BPIFB1: variants seen among roughly 807,000 people sequenced by gnomAD.
BPIFB1 encodes the protein BPI fold-containing family B member 1.
BPIFB1 carries 34 observed loss-of-function variants against 55.1 expected under a neutral mutation model. That is an observed-to-expected ratio of 0.62 (90% CI 0.47 to 0.82). The LOEUF (loss-of-function observed/expected upper bound fraction) is 0.82. BPIFB1 is among the 40% of genes least tolerant of loss of function. BPIFB1 has a pLI of 0.00. For missense variants in BPIFB1, 532 were observed against 593.1 expected (o/e 0.90, Z 1.07); for synonymous variants, 236 against 245.3 (o/e 0.96, Z 0.35).
Position 33,289,953 on chromosome 20 carries a change from T to C in BPIFB1, c.326T>C (p.Leu109Pro). 6.2e-7 allele frequency: 1 copy of C among 1,614,168 alleles called. No individual in the cohort carries two copies. The highest frequency in any genetic ancestry group is 8.5e-7 in the Non-Finnish European group (1 of 1,180,026). ...VKPSANDQELLVKIPLDMVAG... is the reference protein window; with the variant it reads ...VKPSANDQELPVKIPLDMVAG... ...CCCTCGGCCAATGACCAGGAGCTGC[T>C]AGTCAAGATCCCCCTGGACATGGTG... Residue 109 changes from leucine to proline, a missense_variant, in exon 4 of 16, where the codon CTA becomes CCA. Leu to Pro is a moderately conservative substitution (Grantham distance 98, BLOSUM62 -3). Coordinates refer to ENST00000253354, the MANE Select transcript of BPIFB1 (RefSeq NM_033197.3).
chr20:33,292,084 T>C (rs1980491939), intron 6 of BPIFB1, 96 bp downstream of exon 6: 17 of 1,130,648 alleles, frequency 1.5e-5, no homozygotes, highest in Non-Finnish European at 2.3e-5. Context: ...TGGAGTCTCC[T>C]TGGGTGGGTT....
At chr20:33,303,858 C>A in intron 11 of BPIFB1, 100 bp from the exon 12 acceptor site, 1 of 1,213,806 alleles carries the variant, frequency 8.2e-7, no homozygotes, top group Non-Finnish European at 1.2e-6. Flanking sequence ...GTCCCAGAGC[C>A]AGGAACTGAG....
At chr20:33,292,286 T>G (rs1053027210) in intron 6 of BPIFB1, among the ~76,000 whole-genome samples, 2 of 152,152 alleles carry the variant, frequency 1.3e-5, no homozygotes, top group South Asian at 2.1e-4. Context: ...GATTTGTAGC[T>G]TTTGCGGATT....
In BPIFB1 at chr20:33,289,922, G is replaced by A; in HGVS notation, c.295G>A (p.Val99Met). 1 of 1,614,212 alleles carries A rather than the reference G, an allele frequency of 6.2e-7. No homozygotes were observed. The highest frequency in any genetic ancestry group is 1.3e-5 in the African/African-American group (1 of 75,056). Residue 99 changes from valine (V) to methionine (M), a missense_variant, in exon 4 of 16, where the codon GTG becomes ATG. By Grantham distance (21) the Val-to-Met change is conservative (BLOSUM62 1). Transcript: ENST00000253354. ...VITANILQLQ[V>M]KPSANDQELL... Reference sequence around the variant, plus strand: ...CACAGCTAACATCCTCCAGCTGCAGGTGAAGCCCTCGGCCAATGACCAGGA... The same window carrying A: ...CACAGCTAACATCCTCCAGCTGCAGATGAAGCCCTCGGCCAATGACCAGGA...
At position 33,309,614 on chromosome 20, in the gene BPIFB1, G is replaced by A; in HGVS notation, c.1396-94G>A. 3 of 1,210,578 alleles carry A rather than the reference G, an allele frequency of 2.5e-6. No individual in the cohort carries two copies. The highest frequency in any genetic ancestry group is 3.7e-6 in the Non-Finnish European group (3 of 817,654). The allele number at this position is 1,210,578 out of a possible 1,614,324, so 75.0% of individuals were successfully genotyped here. On this transcript the variant is annotated intron_variant, in intron 15 of 15. Transcript: ENST00000253354. The surrounding 1 kb of genome is among the most constrained non-coding windows in gnomAD (Gnocchi z 4.4). Reference sequence around the variant, plus strand: ...GGGTTCAGGGTCATGGTCCCCCGGTGCCAGCAGTCACCTTATGGAGGACAA... The same window carrying A: ...GGGTTCAGGGTCATGGTCCCCCGGTACCAGCAGTCACCTTATGGAGGACAA...
intron 9 of BPIFB1, among the ~76,000 whole-genome samples, chr20:33,301,792 C>T (rs533111112): frequency 1.2e-4 from 18 of 152,314 alleles, no homozygotes; most frequent in East Asian, 1.2e-3. Flanking sequence ...CATCACTAAT[C>T]GATCAAGGCT....
At chr20:33,304,722 G>C in intron 12 of BPIFB1, 124 bp from the exon 13 acceptor site, 1 of 1,125,206 alleles carries the variant, frequency 8.9e-7, no homozygotes, top group Non-Finnish European at 1.3e-6. Context: ...AGGGCTTCAT[G>C]TGGTTCACTG....
intron 7 of BPIFB1, chr20:33,298,614 C>T (rs1295728665): frequency 6.5e-6 from 1 of 154,012 alleles, no homozygotes; most frequent in East Asian, 1.9e-4. Flanking sequence ...TCATGACCCC[C>T]CTTCACTGTG....
intron 2 of BPIFB1, among the ~76,000 whole-genome samples, chr20:33,288,054 C>T (rs1001265453): frequency 2.6e-5 from 4 of 152,204 alleles, no homozygotes; most frequent in Non-Finnish European, 5.9e-5. Flanking sequence ...ATGAGGGACA[C>T]ACATCTGAGC....
chr20:33,304,785 T>C (rs1980968153), intron 12 of BPIFB1, 61 bp from the exon 13 acceptor site: 6 of 1,596,270 alleles, frequency 3.8e-6, no homozygotes, highest in Admixed American at 1.7e-5. Flanking sequence ...CGCTGTTGAA[T>C]GAGTGGATGG....
chr20:33,309,835 C>G lies in BPIFB1; in HGVS notation c.*68C>G. On this transcript the variant is annotated 3_prime_UTR_variant, in exon 16 of 16. Coordinates refer to ENST00000253354, the MANE Select transcript of BPIFB1 (RefSeq NM_033197.3). This position sits in a 1 kb window ranked among gnomAD's most constrained non-coding sequence, Gnocchi z 4.4. ...GGAGTATGGGTGTGAGCTCTATAGA[C>G]CATCCCTCTCTGCAATCAATAAACA... 7.3e-7 allele frequency: 1 copy of G among 1,373,554 alleles called. No individual in the cohort carries two copies. Among genetic ancestry groups the G allele is most frequent in the Non-Finnish European group, 1.0e-6 (1 of 964,464 alleles). 85.1% of individuals were successfully genotyped at this position (1,373,554 alleles called of 1,614,324 possible).
At chr20:33,295,696 G>C (rs937643502) in intron 6 of BPIFB1, among the ~76,000 whole-genome samples, 21 of 144,862 alleles carry the variant, frequency 1.4e-4, no homozygotes, top group Admixed American at 1.4e-3. Flanking sequence ...AAAAAAGGGA[G>C]AAAAGGAAGC....
At chr20:33,286,261 G>C in intron 2 of BPIFB1, 73 bp downstream of exon 2, 2 of 1,326,634 alleles carry the variant, frequency 1.5e-6, no homozygotes, top group Non-Finnish European at 2.2e-6. Context: ...AAAGGAGGGA[G>C]AGAGTTCCTC....
chr20:33,308,919 C>T (rs6120229), intron 15 of BPIFB1, among the ~76,000 whole-genome samples: 6,390 of 150,804 alleles, frequency 0.042, 440 homozygotes, highest in African/African-American at 0.14. Context: ...TACACAGAGA[C>T]GCACACATAC....
At chr20:33,305,233 C>G (rs1441219849) in intron 13 of BPIFB1, among the ~76,000 whole-genome samples, 1 of 152,018 alleles carries the variant, frequency 6.6e-6, no homozygotes, top group Non-Finnish European at 1.5e-5. Flanking sequence ...CAGCCCTTTC[C>G]TGCTGGGATT....
chr20:33,301,153 G>T lies in BPIFB1; in HGVS notation c.748-80G>T, dbSNP rs73264072. 6 of 1,380,558 alleles carry T rather than the reference G, an allele frequency of 4.3e-6. No homozygotes were observed. The African/African-American group carries it at 7.1e-5, about 16-fold the overall frequency. 85.5% of individuals were successfully genotyped at this position (1,380,558 alleles called of 1,614,324 possible). ...TGCACAAAAAGGAAACAGGCTGAATGGTGTCATTTCCTTCTAGGTTGCTAT... is the reference window on the plus strand; with the variant it reads ...TGCACAAAAAGGAAACAGGCTGAATTGTGTCATTTCCTTCTAGGTTGCTAT... On this transcript the variant is annotated intron_variant, in intron 8 of 15. Coordinates refer to ENST00000253354, the MANE Select transcript of BPIFB1 (RefSeq NM_033197.3).
chr20:33,289,377 G>A lies in BPIFB1; in HGVS notation c.257+495G>A, dbSNP rs577549841. ...GCCTGGGTGACAAGAGTGAGATTCT[G>A]TCTCAAAAAAAAAAAAACAAAAAAA... On this transcript the variant is annotated intron_variant, in intron 3 of 15. Coordinates refer to ENST00000253354, the MANE Select transcript of BPIFB1 (RefSeq NM_033197.3). Among the ~76,000 whole-genome samples, 131 of 124,886 alleles carry A rather than the reference G, an allele frequency of 1.0e-3. 1 individual carries two copies. Among genetic ancestry groups the A allele is most frequent in the Non-Finnish European group, 1.3e-3 (79 of 62,068 alleles). 81.9% of individuals were successfully genotyped at this position (124,886 alleles called of 152,430 possible). A position where few individuals can be genotyped will look rare whatever the true frequency, so the allele number is the denominator to read the frequency against.
intron 6 of BPIFB1, among the ~76,000 whole-genome samples, chr20:33,295,905 AGGAAGG>A (rs1199405975): frequency 1.5e-5 from 2 of 131,980 alleles, no homozygotes; most frequent in African/African-American, 5.7e-5. Context: ...GAAGGAAGGA[AGGAAGG>A]GGAAGGGAAA....
intron 2 of BPIFB1, among the ~76,000 whole-genome samples, chr20:33,288,048 G>A (rs1980329155): frequency 6.6e-6 from 1 of 152,182 alleles, no homozygotes; most frequent in Non-Finnish European, 1.5e-5. Flanking sequence ...TACACAATGA[G>A]GGACACACAT....
Sources: allele counts gnomAD v4.1 joint callset (sites outside exome capture counted in the v4.1 genomes callset), GRCh38; gene constraint gnomAD v4.1.1; non-coding constraint Gnocchi (gnomAD v3.1); transcripts MANE v1.5; gene names NCBI Gene and HGNC (gene_info 2026-07-23, HGNC 2026-07-21).